ABCC12: variants seen among roughly 807,000 people sequenced by gnomAD.
ABCC12 encodes ATP binding cassette subfamily C member 12.
In ABCC12, 142 loss-of-function variants were observed where a neutral mutation model predicts 151.1. The ratio of observed to expected loss-of-function variants is 0.94; its 90% CI spans 0.82 to 1.08. The LOEUF (loss-of-function observed/expected upper bound fraction) is 1.08. ABCC12 is among the 50% of genes least tolerant of loss of function. The probability of loss-of-function intolerance (pLI) is 0.00; values close to 1 mark genes in which losing one functional copy is unlikely to be tolerated. For synonymous variants in ABCC12, 645 were observed against 646.4 expected (o/e 1.00, Z 0.03); for missense variants, 1,638 against 1,691.1 (o/e 0.97, Z 0.55).
intron 15 of ABCC12, among the ~76,000 whole-genome samples, chr16:48,112,250 G>A (rs968840601): frequency 3.9e-5 from 6 of 152,148 alleles, no homozygotes; most frequent in African/African-American, 1.4e-4. Flanking sequence ...TCACAGTAAA[G>A]AACACTGAAT....
chr16:48,109,264 C>T (rs1036702796), intron 18 of ABCC12, among the ~76,000 whole-genome samples: 1 of 152,134 alleles, frequency 6.6e-6, no homozygotes, highest in Non-Finnish European at 1.5e-5. Context: ...CCAGCGTATC[C>T]CCCTAGGTCA....
intron 22 of ABCC12, among the ~76,000 whole-genome samples, chr16:48,103,547 G>A (rs1386597979): frequency 6.6e-6 from 1 of 152,186 alleles, no homozygotes; most frequent in African/African-American, 2.4e-5. Flanking sequence ...ACTTCTCCAA[G>A]GTCCTTCAGC....
intron 7 of ABCC12, among the ~76,000 whole-genome samples, chr16:48,138,907 T>C (rs1317552674): frequency 2.0e-5 from 3 of 152,022 alleles, no homozygotes. Flanking sequence ...AGGTTGAGGC[T>C]GCAGTGAGCT....
chr16:48,127,982 G>A (rs1964296102), intron 11 of ABCC12, among the ~76,000 whole-genome samples: 1 of 152,172 alleles, frequency 6.6e-6, no homozygotes, highest in Non-Finnish European at 1.5e-5. Context: ...ATCCGGGCAT[G>A]GTGATATATG....
In ABCC12 at chr16:48,086,822, G is replaced by A. The variant is rs368532756; in HGVS notation, c.3636-3C>T. ...TCTCAAAGGGATCCAAGTTGTACCT[G>A]CAATGAAGGAGAGGAGAGGACAGGG... On this transcript the variant is annotated splice_polypyrimidine_tract_variant and splice_region_variant and intron_variant, in intron 27 of 30. Coordinates refer to ENST00000311303, the MANE Select transcript of ABCC12 (RefSeq NM_001393797.1). 6.8e-5 allele frequency: 109 copies of A among 1,612,066 alleles called. No individual in the cohort carries two copies. The African/African-American group carries it at 1.3e-3, about 20-fold the overall frequency.
chr16:48,124,531 T>C (rs553495940), intron 11 of ABCC12, among the ~76,000 whole-genome samples: 1 of 152,344 alleles, frequency 6.6e-6, no homozygotes, highest in South Asian at 2.1e-4. Flanking sequence ...CCACAGGGCT[T>C]CTAGAAATCA....
chr16:48,088,922 T>A (rs973974046), intron 25 of ABCC12, among the ~76,000 whole-genome samples, 188 bp from the exon 26 acceptor site: 1 of 151,818 alleles, frequency 6.6e-6, no homozygotes, highest in African/African-American at 2.4e-5. Flanking sequence ...AGAAAAAAAA[T>A]TAAAAATGAA....
At chr16:48,100,848 G>C in intron 23 of ABCC12, 24 bp downstream of exon 23, 1 of 1,611,488 alleles carries the variant, frequency 6.2e-7, no homozygotes, top group South Asian at 1.1e-5. Flanking sequence ...GGGGGCCTGG[G>C]GCAGGGCCCC....
Position 48,144,104 on chromosome 16 carries a change from G to C in ABCC12, c.120-39C>G, listed in dbSNP as rs765597590. 5 of 1,584,056 alleles carry C rather than the reference G, an allele frequency of 3.2e-6. No individual in the cohort carries two copies. The Admixed American group carries it at 8.6e-5, about 27-fold the overall frequency. On this transcript the variant is annotated intron_variant, in intron 3 of 30. Transcript: ENST00000311303. The stretch of plus-strand genomic sequence containing the variant: ...AGACACTCAGCGTTCCAGGCACTGG[G>C]GTCATTGCCCCAACTCTCTCTCTGG...
At position 48,141,290 on chromosome 16, in the gene ABCC12, G is replaced by A. The variant is rs752686078; in HGVS notation, c.339C>T (p.His113=). ...GTGTCCTCTGGAATTTCCACACCAC[G>A]TGGCTCAGAGAGGCCTTCTCAGGAC... ...RVGPEKASLS[H]VVWKFQRTRV... The change falls in exon 5 of 31, where the codon CAC becomes CAT. Residue 113 remains histidine, a synonymous_variant. Transcript: ENST00000311303. The A allele has an allele frequency of 5.6e-6, 9 of 1,614,072 alleles. No homozygotes were observed. Among genetic ancestry groups the A allele is most frequent in the African/African-American group, 4.0e-5 (3 of 74,932 alleles).
intron 23 of ABCC12, among the ~76,000 whole-genome samples, chr16:48,099,280 C>G (rs1379510748): frequency 6.6e-6 from 1 of 151,692 alleles, no homozygotes; most frequent in Non-Finnish European, 1.5e-5. Flanking sequence ...TAGCTGGGCC[C>G]CAGTTACTTG....
intron 24 of ABCC12, among the ~76,000 whole-genome samples, chr16:48,091,655 C>G (rs1200337476): frequency 6.6e-6 from 1 of 152,206 alleles, no homozygotes; most frequent in Non-Finnish European, 1.5e-5. Flanking sequence ...ACCAGAAAAC[C>G]ATCAAGCCTG....
Position 48,111,908 on chromosome 16 carries a change from G to C in ABCC12, c.1992C>G (p.Phe664Leu). ...AAATAACTTCATCACAAGACTCTAA[G>C]AACTGCAGAAGTAAGTGATCGACAA... Reference protein sequence around the residue: ...TVVLVTHQLQFLESCDEVILL... With the variant: ...TVVLVTHQLQLLESCDEVILL... Residue 664 changes from phenylalanine (F) to leucine (L), a missense_variant and splice_region_variant, in exon 16 of 31, where the codon TTC (phenylalanine) becomes TTG (leucine). Phe to Leu is a conservative substitution (Grantham distance 22, BLOSUM62 0). Transcript: ENST00000311303. The C allele has an allele frequency of 1.2e-6, 2 of 1,613,582 alleles. No homozygotes were observed. The highest frequency in any genetic ancestry group is 1.7e-6 in the Non-Finnish European group (2 of 1,179,786).
Position 48,107,429 on chromosome 16 carries a change from C to T in ABCC12, c.2372-4G>A. On this transcript the variant is annotated splice_region_variant and splice_polypyrimidine_tract_variant and intron_variant, in intron 19 of 30. Transcript: ENST00000311303. ...GTGAAGAGAGAAAGGAGGTACCCTG[C>T]AAGAGGAGCGGAGAGGCCCAAGGGG... 1 of 1,613,890 alleles carries T rather than the reference C, an allele frequency of 6.2e-7. No homozygotes were observed.
chr16:48,117,602 C>T (rs1196327381), intron 13 of ABCC12, among the ~76,000 whole-genome samples: 1 of 152,186 alleles, frequency 6.6e-6, no homozygotes, highest in Non-Finnish European at 1.5e-5. Context: ...AAGAAGACAA[C>T]GCTGAACAGG....
chr16:48,111,744 A>C, intron 16 of ABCC12, 32 bp downstream of exon 16: 1 of 1,614,002 alleles, frequency 6.2e-7, no homozygotes, highest in Non-Finnish European at 8.5e-7. Flanking sequence ...TTCCGCCCCA[A>C]TTGTTCCCAC....
In ABCC12 at chr16:48,083,643, C is replaced by A. The variant is rs1209734205; in HGVS notation, c.*72G>T. 1 of 1,500,474 alleles carries A rather than the reference C, an allele frequency of 6.7e-7. No homozygotes were observed. The highest frequency in any genetic ancestry group is 9.2e-7 in the Non-Finnish European group (1 of 1,087,348). 92.9% of individuals were successfully genotyped at this position (1,500,474 alleles called of 1,614,324 possible). A position where few individuals can be genotyped will look rare whatever the true frequency, so the allele number is the denominator to read the frequency against. ...CAGGGCTGCCTGCGGAGAGGACAGC[C>A]CCTCCTCCTGAAGACTCCTCCTATT... On this transcript the variant is annotated 3_prime_UTR_variant, in exon 31 of 31. Coordinates refer to ENST00000311303, the MANE Select transcript of ABCC12 (RefSeq NM_001393797.1).
intron 15 of ABCC12, among the ~76,000 whole-genome samples, chr16:48,113,003 C>G (rs373442823): frequency 9.9e-5 from 15 of 152,240 alleles, no homozygotes; most frequent in African/African-American, 3.4e-4. Context: ...AGCTCTCCCC[C>G]CAGGATCAAG....
At chr16:48,138,577 C>T (rs543101422) in intron 7 of ABCC12, among the ~76,000 whole-genome samples, 2 of 152,274 alleles carry the variant, frequency 1.3e-5, no homozygotes, top group East Asian at 3.9e-4. Context: ...CATGTAAAGG[C>T]ATGAATTGCC....
Sources: allele counts gnomAD v4.1 joint callset (sites outside exome capture counted in the v4.1 genomes callset), GRCh38; gene constraint gnomAD v4.1.1; transcripts MANE v1.5; gene names NCBI Gene and HGNC (gene_info 2026-07-23, HGNC 2026-07-21).